Variants in NCOA7 observed in about 807,000 individuals in gnomAD.
NCOA7 encodes nuclear receptor coactivator 7, also known as 140 kDa estrogen receptor-associated protein.
A neutral mutation model predicts 104.3 loss-of-function variants in NCOA7; 45 were observed. The observed-to-expected ratio is 0.43, with a 90% CI of 0.34 to 0.55. NCOA7 has a LOEUF of 0.55. Ranked by LOEUF, NCOA7 falls within the 20% of genes least tolerant of loss-of-function variation. The pLI, the probability that NCOA7 is intolerant of heterozygous loss-of-function variation, is 0.02. For missense variants in NCOA7, 1,041 were observed against 1,119.7 expected, an observed-to-expected ratio of 0.93 and a Z score of 1.00; for synonymous variants, 398 against 402.3, an observed-to-expected ratio of 0.99 and a Z score of 0.13.
At chr6:125,827,031 C>G (rs1778716576) in intron 2 of NCOA7, among the ~76,000 whole-genome samples, 2 of 151,886 alleles carry the variant, frequency 1.3e-5, no homozygotes, top group South Asian at 4.1e-4. Flanking sequence ...AGCCCTGTCT[C>G]TACTAAAAAT....
At chr6:125,875,272 C>T in intron 4 of NCOA7, 3 of 267,578 alleles carry the variant, frequency 1.1e-5, no homozygotes, top group Non-Finnish European at 2.3e-5. Context: ...TCCCCCACCA[C>T]TCCATGTGCA....
At chr6:125,881,923 C>T (rs1436230112) in intron 6 of NCOA7, among the ~76,000 whole-genome samples, 4 of 152,188 alleles carry the variant, frequency 2.6e-5, no homozygotes, top group East Asian at 1.9e-4. Flanking sequence ...GCACGATCTT[C>T]GCTTACTGCA....
chr6:125,907,309 G>T (rs1413190560), intron 10 of NCOA7, among the ~76,000 whole-genome samples: 2 of 152,222 alleles, frequency 1.3e-5, no homozygotes, highest in African/African-American at 2.4e-5. Flanking sequence ...CTCCGCTGAG[G>T]CTGCCCAAGG....
intron 2 of NCOA7, among the ~76,000 whole-genome samples, chr6:125,820,117 G>A (rs1468352978): frequency 6.6e-6 from 1 of 152,096 alleles, no homozygotes; most frequent in Non-Finnish European, 1.5e-5. Flanking sequence ...TCCCACCTCC[G>A]CTTTCCTCTT....
chr6:125,857,527 G>A (rs1781671758), intron 3 of NCOA7, among the ~76,000 whole-genome samples: 1 of 151,534 alleles, frequency 6.6e-6, no homozygotes, highest in Non-Finnish European at 1.5e-5. Context: ...CGGCCTCGAA[G>A]TCCGACCAGC....
intron 3 of NCOA7, among the ~76,000 whole-genome samples, chr6:125,856,667 A>T (rs1781588697): frequency 6.6e-6 from 1 of 151,982 alleles, no homozygotes; most frequent in Non-Finnish European, 1.5e-5. Flanking sequence ...TCCATGTTTA[A>T]TGTAACCTTC....
chr6:125,841,753 G>T (rs1050656937), intron 2 of NCOA7, among the ~76,000 whole-genome samples: 2 of 152,066 alleles, frequency 1.3e-5, no homozygotes, highest in Admixed American at 6.6e-5. Flanking sequence ...TTCTGTTTTT[G>T]AGCAACATCA....
intron 1 of NCOA7, among the ~76,000 whole-genome samples, chr6:125,807,510 A>G (rs1287195741): frequency 6.6e-6 from 1 of 152,204 alleles, no homozygotes; most frequent in African/African-American, 2.4e-5. Context: ...CCAGATATGA[A>G]TCATATTCAC....
chr6:125,887,472 G>A (rs931254156), intron 8 of NCOA7, among the ~76,000 whole-genome samples: 2 of 152,178 alleles, frequency 1.3e-5, no homozygotes, highest in Non-Finnish European at 2.9e-5. Flanking sequence ...TCAGAATATA[G>A]CACTTAGGGG....
chr6:125,801,241 C>T (rs1343177384), intron 1 of NCOA7, among the ~76,000 whole-genome samples: 2 of 152,146 alleles, frequency 1.3e-5, no homozygotes, highest in South Asian at 4.1e-4. Flanking sequence ...CTTAGTCCAT[C>T]TACCCAAATA....
chr6:125,910,092 A>G (rs1446589929), intron 10 of NCOA7, among the ~76,000 whole-genome samples: 1 of 152,224 alleles, frequency 6.6e-6, no homozygotes, highest in Non-Finnish European at 1.5e-5. Context: ...AGCTCTGATT[A>G]CAAAGTTGTC....
At position 125,890,604 on chromosome 6, in the gene NCOA7, G is replaced by C. The variant is rs377336817; in HGVS notation, c.1928-38G>C. 2.4e-5 allele frequency: 37 copies of C among 1,566,740 alleles called. No individual in the cohort carries two copies. In the African/African-American group the frequency reaches 4.8e-4, roughly 20 times the overall value. On this transcript the variant is annotated intron_variant, in intron 9 of 15. Transcript: ENST00000392477. ...GAAAAATTCTGCTATTACCAATATT[G>C]TCAATATTGAGGAACAGTTTTTTCG...
intron 3 of NCOA7, among the ~76,000 whole-genome samples, chr6:125,874,076 A>G (rs1783154899): frequency 6.6e-6 from 1 of 152,162 alleles, no homozygotes; most frequent in East Asian, 1.9e-4. Context: ...TGTAATCCCA[A>G]CACTTCAGGA....
At chr6:125,845,890 TTTG>T (rs773267803) in intron 2 of NCOA7, among the ~76,000 whole-genome samples, 5 of 152,228 alleles carry the variant, frequency 3.3e-5, no homozygotes, top group East Asian at 1.9e-4. Flanking sequence ...TTTTGCTTTT[TTTG>T]TTGTTGTTTT....
In NCOA7 at chr6:125,930,850, T is replaced by G. The variant is rs975203199; in HGVS notation, c.*2079T>G. 1 of 152,542 alleles carries G rather than the reference T, an allele frequency of 6.6e-6. No individual in the cohort carries two copies. The highest frequency in any genetic ancestry group is 2.4e-5 in the African/African-American group (1 of 41,446). The allele number at this position is 152,542 out of a possible 1,614,324, so 9.4% of individuals were successfully genotyped here. A position where few individuals can be genotyped will look rare whatever the true frequency, so the allele number is the denominator to read the frequency against. On this transcript the variant is annotated 3_prime_UTR_variant, in exon 16 of 16. Coordinates refer to ENST00000392477, the MANE Select transcript of NCOA7 (RefSeq NM_181782.5). ...GAGATATCAGGAATGTCTCATGATA[T>G]CACGTTTACCATTTACACCATCTGC...
At chr6:125,852,794 A>G (rs1006967026) in intron 2 of NCOA7, among the ~76,000 whole-genome samples, 4 of 152,156 alleles carry the variant, frequency 2.6e-5, no homozygotes, top group Admixed American at 6.6e-5. Flanking sequence ...TACAGGTACC[A>G]TGCTGTTTTG....
At position 125,903,125 on chromosome 6, in the gene NCOA7, G is replaced by A. The variant is rs549381781; in HGVS notation, c.2097-12208G>A. Among the ~76,000 whole-genome samples, 5 of 152,186 alleles carry A rather than the reference G, an allele frequency of 3.3e-5. No individual in the cohort carries two copies. In the South Asian group the frequency reaches 1.0e-3, roughly 32 times the overall value. On this transcript the variant is annotated intron_variant, in intron 10 of 15. Coordinates refer to ENST00000392477, the MANE Select transcript of NCOA7 (RefSeq NM_181782.5). ...GTAATTTGAATATGGTGTCTCCTTT[G>A]GGATAAATCCCTAAAGGAGCCTTGT...
chr6:125,857,545 C>T (rs12530133), intron 3 of NCOA7, among the ~76,000 whole-genome samples: 1,729 of 151,936 alleles, frequency 0.011, 105 homozygotes, highest in Admixed American at 0.1. Flanking sequence ...AGCAATGCTC[C>T]TGCCTTGGCC....
At chr6:125,828,164 G>A (rs1364091807) in intron 2 of NCOA7, among the ~76,000 whole-genome samples, 1 of 152,192 alleles carries the variant, frequency 6.6e-6, no homozygotes, top group African/African-American at 2.4e-5. Context: ...TAAAGAATGG[G>A]AACAGAATTA....
Sources: allele counts gnomAD v4.1 joint callset (sites outside exome capture counted in the v4.1 genomes callset), GRCh38; gene constraint gnomAD v4.1.1; transcripts MANE v1.5; gene names NCBI Gene and HGNC (gene_info 2026-07-23, HGNC 2026-07-21).